INPP5A: variants seen among roughly 807,000 people sequenced by gnomAD.
INPP5A encodes 43 kDa inositol polyphosphate 5-phophatase.
INPP5A carries 14 observed loss-of-function variants against 65.2 expected under a neutral mutation model. The ratio of observed to expected loss-of-function variants is 0.21; its 90% CI spans 0.14 to 0.34. INPP5A has a LOEUF of 0.34. Ranked by LOEUF, INPP5A falls within the 10% of genes least tolerant of loss-of-function variation. INPP5A has a pLI of 1.00. For missense variants in INPP5A, 431 were observed against 545.6 expected (o/e 0.79, Z 2.09); for synonymous variants, 207 against 208.3 (o/e 0.99, Z 0.05).
chr10:132,708,173 A>G (rs991188907), intron 6 of INPP5A, 140 bp from the exon 7 acceptor site: 3 of 702,308 alleles, frequency 4.3e-6, no homozygotes, highest in African/African-American at 1.8e-5. Flanking sequence ...GGTTCTCTTT[A>G]GTGGGGCGGC....
In INPP5A at chr10:132,758,068, C is replaced by T. The variant is rs371631057; in HGVS notation, c.904-7705C>T. Reference sequence around the variant, plus strand: ...CTGACCCCACAGGCCAGTGTGATGTCGTGGGTCCTTGGCTGACCCCATAGC... The same window carrying T: ...CTGACCCCACAGGCCAGTGTGATGTTGTGGGTCCTTGGCTGACCCCATAGC... On this transcript the variant is annotated intron_variant, in intron 11 of 15. Transcript: ENST00000368594. 1.8e-3 allele frequency among the ~76,000 whole-genome samples: 248 copies of T among 135,824 alleles called. 3 individuals carry two copies. The highest frequency in any genetic ancestry group is 6.0e-3 in the African/African-American group (211 of 35,192). 89.1% of individuals were successfully genotyped at this position (135,824 alleles called of 152,430 possible).
chr10:132,717,281 C>A (rs1297218684), intron 8 of INPP5A, among the ~76,000 whole-genome samples: 1 of 151,870 alleles, frequency 6.6e-6, no homozygotes, highest in African/African-American at 2.4e-5. Flanking sequence ...GTGCTGGCCC[C>A]TAAAGGGTTG....
intron 1 of INPP5A, among the ~76,000 whole-genome samples, chr10:132,559,293 G>T (rs920288270): frequency 1.1e-4 from 17 of 152,212 alleles, no homozygotes; most frequent in Middle Eastern, 3.2e-3. Flanking sequence ...CCCCATCAGT[G>T]GGGGGTTAGT....
chr10:132,648,205 C>T (rs2037495002), intron 3 of INPP5A, among the ~76,000 whole-genome samples: 1 of 152,232 alleles, frequency 6.6e-6, no homozygotes, highest in South Asian at 2.1e-4. Flanking sequence ...TGGGGGTGCA[C>T]CCTGAGCACG....
chr10:132,635,899 G>A (rs978836520), intron 2 of INPP5A, among the ~76,000 whole-genome samples: 1 of 151,212 alleles, frequency 6.6e-6, no homozygotes, highest in Non-Finnish European at 1.5e-5. Flanking sequence ...GATAACTGAA[G>A]CCTGGGAGGT....
At chr10:132,768,977 C>T (rs1050566477) in intron 12 of INPP5A, among the ~76,000 whole-genome samples, 8 of 152,246 alleles carry the variant, frequency 5.3e-5, no homozygotes, top group African/African-American at 1.9e-4. Flanking sequence ...AGTAGACCCT[C>T]CATGGGGAGA....
chr10:132,690,524 G>C (rs2134484600), intron 5 of INPP5A, 69 bp downstream of exon 5: 2 of 1,149,350 alleles, frequency 1.7e-6, no homozygotes, highest in Non-Finnish European at 2.6e-6. Flanking sequence ...GGCTTCCCCA[G>C]ACCTCTCCTG....
rs778704319 is a variant in INPP5A, at chr10:132,560,054, C to T, written c.75+21883C>T. ...TTGCTGTGTGAACATGTGTCTCCAG[C>T]TCTTTCGGGTGTAGACCTGCTTGTG... is the stretch of plus-strand genomic sequence containing the variant. On this transcript the variant is annotated intron_variant, in intron 1 of 15. Coordinates refer to ENST00000368594, the MANE Select transcript of INPP5A (RefSeq NM_005539.5). Among the ~76,000 whole-genome samples, 54 of 152,114 alleles carry T rather than the reference C, an allele frequency of 3.5e-4. 1 individual carries two copies. Among genetic ancestry groups the T allele is most frequent in the Non-Finnish European group, 5.3e-4 (36 of 68,028 alleles).
rs1412738112 is a variant in INPP5A at position 132,645,939 on chromosome 10, C to T, written c.189C>T (p.Ala63=). 3.7e-6 allele frequency: 6 copies of T among 1,613,824 alleles called. No homozygotes were observed. Among genetic ancestry groups the T allele is most frequent in the Non-Finnish European group, 3.4e-6 (4 of 1,179,852 alleles). The part of the protein sequence containing the change: ...CQEFGGKNYE[A]SMSHVDKFVK... ...AGTTTGGAGGGAAGAACTACGAGGC[C>T]TCCATGTCCCACGTGGACAAGTTCG... is the stretch of plus-strand genomic sequence containing the variant. Residue 63 remains alanine (A), a synonymous_variant, in exon 3 of 16, where the codon GCC becomes GCT. Coordinates refer to ENST00000368594, the MANE Select transcript of INPP5A (RefSeq NM_005539.5).
chr10:132,544,332 G>A (rs1436736135), intron 1 of INPP5A, among the ~76,000 whole-genome samples: 1 of 152,250 alleles, frequency 6.6e-6, no homozygotes, highest in Admixed American at 6.5e-5. Flanking sequence ...GGAGGCAGCT[G>A]TCTTCCTACC....
chr10:132,688,837 AGTGTGCGT>A (rs1845199709), intron 4 of INPP5A, among the ~76,000 whole-genome samples: 1 of 150,088 alleles, frequency 6.7e-6, no homozygotes, highest in Non-Finnish European at 1.5e-5. Flanking sequence ...TGCAAGTGTA[AGTGTGCGT>A]GAGTGCGTGT....
At chr10:132,578,840 G>A (rs2071444037) in intron 1 of INPP5A, among the ~76,000 whole-genome samples, 1 of 152,142 alleles carries the variant, frequency 6.6e-6, no homozygotes, top group African/African-American at 2.4e-5. Flanking sequence ...GGTGGCTGGA[G>A]GGGGTGCCAG....
At position 132,727,923 on chromosome 10, in the gene INPP5A, A is replaced by G. The variant is rs974950768; in HGVS notation, c.732+1018A>G. On this transcript the variant is annotated intron_variant, in intron 9 of 15. Coordinates refer to ENST00000368594, the MANE Select transcript of INPP5A (RefSeq NM_005539.5). The surrounding 1 kb of genome is among the most constrained non-coding windows in gnomAD (Gnocchi z 6.5). The stretch of plus-strand genomic sequence containing the variant: ...CGGTCCCCGAGACTGTTATCTTCCC[A>G]TTTTAGTCTCCAGTTCCAAACACCC... 1.3e-5 allele frequency among the ~76,000 whole-genome samples: 2 copies of G among 152,082 alleles called. No homozygotes were observed. Among genetic ancestry groups the G allele is most frequent in the African/African-American group, 2.4e-5 (1 of 41,400 alleles).
intron 11 of INPP5A, among the ~76,000 whole-genome samples, chr10:132,756,015 GCCCCAGGGAGGCAT>G: frequency 6.6e-6 from 1 of 152,342 alleles, no homozygotes; most frequent in East Asian, 1.9e-4. Flanking sequence ...CTCTGCCTGG[GCCCCAGGGAGGCAT>G]CCCCAGAGCT....
rs750850495 is a variant in INPP5A, at chr10:132,607,912, C to T, written c.76-3C>T. ...GGCTTTTCTTTTTCTTCTTAATTTA[C>T]AGCCAGAAAACCTGCAGAAGAACTG... On this transcript the variant is annotated splice_polypyrimidine_tract_variant and splice_region_variant and intron_variant, in intron 1 of 15. Coordinates refer to ENST00000368594, the MANE Select transcript of INPP5A (RefSeq NM_005539.5). 2.0e-5 allele frequency: 32 copies of T among 1,608,848 alleles called. No homozygotes were observed. Among genetic ancestry groups the T allele is most frequent in the Non-Finnish European group, 2.6e-5 (31 of 1,179,792 alleles).
At position 132,614,745 on chromosome 10, in the gene INPP5A, C is replaced by T. The variant is rs372723095; in HGVS notation, c.117+6789C>T. Among the ~76,000 whole-genome samples, 7 of 152,364 alleles carry T rather than the reference C, an allele frequency of 4.6e-5. No homozygotes were observed. The East Asian group carries it at 1.2e-3, about 25-fold the overall frequency. On this transcript the variant is annotated intron_variant, in intron 2 of 15. Transcript: ENST00000368594. Reference sequence around the variant, plus strand: ...GGTGGTGGCCTCAGGAGGCCTGGCTCTGGGGGCCGATGAGATCGCAAGGAG... The same window carrying T: ...GGTGGTGGCCTCAGGAGGCCTGGCTTTGGGGGCCGATGAGATCGCAAGGAG...
intron 3 of INPP5A, among the ~76,000 whole-genome samples, chr10:132,646,672 C>T (rs1306189309): frequency 1.3e-5 from 2 of 152,246 alleles, no homozygotes; most frequent in Non-Finnish European, 2.9e-5. Context: ...GTCTCCACCT[C>T]CAGACCCTGG....
chr10:132,541,528 T>A (rs1590815502), intron 1 of INPP5A, among the ~76,000 whole-genome samples: 1 of 152,338 alleles, frequency 6.6e-6, no homozygotes, highest in African/African-American at 2.4e-5. Context: ...CTCACTTTCC[T>A]AGAAATTATG....
At position 132,555,343 on chromosome 10, in the gene INPP5A, AC is replaced by A. The variant is rs1224756444; in HGVS notation, c.75+17176del. ...AGGCTGTTGTCCCCTGAGTACGTTCACCCCATTTTACAGGCGCTGGCCCAGT... is the reference window on the plus strand; with the variant it reads ...AGGCTGTTGTCCCCTGAGTACGTTCACCCATTTTACAGGCGCTGGCCCAGT... On this transcript the variant is annotated intron_variant, in intron 1 of 15. Transcript: ENST00000368594. The surrounding 1 kb of genome is among the most constrained non-coding windows in gnomAD (Gnocchi z 4.4). Among the ~76,000 whole-genome samples, 1 of 151,570 alleles carries A rather than the reference AC, an allele frequency of 6.6e-6. No individual in the cohort carries two copies. The highest frequency in any genetic ancestry group is 2.4e-5 in the African/African-American group (1 of 41,162).
Sources: gnomAD v4.1 joint callset for allele counts (sites outside exome capture counted in the v4.1 genomes callset) on GRCh38, gnomAD v4.1.1 for gene constraint, Gnocchi (gnomAD v3.1) non-coding constraint, MANE v1.5 for transcripts, NCBI Gene and HGNC (gene_info 2026-07-23, HGNC 2026-07-21) for gene names.